Variants in RELN observed in about 807,000 individuals in gnomAD.
RELN encodes the protein reelin.
Under a neutral mutation model 427.6 loss-of-function variants are expected in RELN, and 108 were observed. The observed-to-expected ratio is 0.25, with a 90% CI of 0.22 to 0.30. The LOEUF (loss-of-function observed/expected upper bound fraction) is 0.30, where lower values mean the gene tolerates loss of function less well. RELN is among the 10% of genes least tolerant of loss of function. The probability of loss-of-function intolerance (pLI) is 1.00; values close to 1 mark genes in which losing one functional copy is unlikely to be tolerated. For missense variants in RELN, 3,715 were observed against 4,302.8 expected, an observed-to-expected ratio of 0.86 and a Z score of 3.82; for synonymous variants, 1,524 against 1,513.4, an observed-to-expected ratio of 1.01 and a Z score of -0.16.
rs1171550524 is a variant in RELN, at chr7:103,953,380, C to G, written c.226+35751G>C. On this transcript the variant is annotated intron_variant, in intron 1 of 64. Coordinates refer to ENST00000428762, the MANE Select transcript of RELN (RefSeq NM_005045.4). The surrounding 1 kb of genome is among the most constrained non-coding windows in gnomAD (Gnocchi z 4.3). ...TCTGCCACAGACCATCAAGAAGACT[C>G]AAGACAACTCAGATAACGTGATTCA... Among the ~76,000 whole-genome samples, 1 of 152,156 alleles carries G rather than the reference C, an allele frequency of 6.6e-6. No individual in the cohort carries two copies. Among genetic ancestry groups the G allele is most frequent in the Admixed American group, 6.5e-5 (1 of 15,268 alleles).
intron 2 of RELN, among the ~76,000 whole-genome samples, chr7:103,868,928 C>T (rs2299391): frequency 0.13 from 20,214 of 151,866 alleles, 1,808 homozygotes; most frequent in East Asian, 0.34. Context: ...AATCTATTTG[C>T]TTTTTTTCTA....
chr7:103,691,217 A>C (rs1278117284), intron 10 of RELN, among the ~76,000 whole-genome samples: 1 of 152,146 alleles, frequency 6.6e-6, no homozygotes, highest in African/African-American at 2.4e-5. Context: ...CCTGAAGCTA[A>C]TTACTCTATT....
intron 2 of RELN, among the ~76,000 whole-genome samples, chr7:103,856,629 T>C (rs2116479306): frequency 6.8e-6 from 1 of 147,934 alleles, no homozygotes; most frequent in African/African-American, 2.5e-5. Flanking sequence ...GACAAAAATA[T>C]CTAGAAAAAA....
At chr7:103,727,289 A>G (rs546313952) in intron 7 of RELN, among the ~76,000 whole-genome samples, 1 of 152,302 alleles carries the variant, frequency 6.6e-6, no homozygotes, top group African/African-American at 2.4e-5. Context: ...AAGAACAAGC[A>G]TTAAAGCCCA....
At chr7:103,736,171 G>GAGAC (rs1365597852) in intron 6 of RELN, among the ~76,000 whole-genome samples, 2 of 152,054 alleles carry the variant, frequency 1.3e-5, no homozygotes, top group African/African-American at 4.8e-5. Flanking sequence ...GACTTATTCC[G>GAGAC]AGACACTAGA....
chr7:103,713,766 T>C (rs1263111679), intron 8 of RELN, among the ~76,000 whole-genome samples: 2 of 151,730 alleles, frequency 1.3e-5, no homozygotes, highest in Non-Finnish European at 2.9e-5. Flanking sequence ...CACAGTAAAA[T>C]CTTCTTTGCT....
chr7:103,717,750 C>T (rs1789975008), intron 8 of RELN, among the ~76,000 whole-genome samples: 3 of 151,868 alleles, frequency 2.0e-5, no homozygotes, highest in Admixed American at 2.0e-4. Flanking sequence ...ATAAGTTCCC[C>T]AAGGTCTTAC....
At chr7:103,936,739 G>C (rs62487051) in intron 1 of RELN, among the ~76,000 whole-genome samples, 1 of 92,080 alleles carries the variant, frequency 1.1e-5, no homozygotes, top group African/African-American at 4.5e-5. Context: ...CAGACAGACA[G>C]ACAGACACAC....
At chr7:103,847,299 A>G (rs1404954417) in intron 2 of RELN, among the ~76,000 whole-genome samples, 1 of 152,194 alleles carries the variant, frequency 6.6e-6, no homozygotes, top group Non-Finnish European at 1.5e-5. Flanking sequence ...CATCATTCTC[A>G]GCAAACTAAC....
chr7:103,725,358 G>A (rs1209249544), intron 7 of RELN, among the ~76,000 whole-genome samples: 2 of 152,146 alleles, frequency 1.3e-5, no homozygotes, highest in African/African-American at 2.4e-5. Context: ...TTCAAGACCA[G>A]CCTAGGCAAC....
At chr7:103,774,376 T>A (rs895293692) in intron 4 of RELN, among the ~76,000 whole-genome samples, 4 of 151,950 alleles carry the variant, frequency 2.6e-5, no homozygotes, top group Non-Finnish European at 5.9e-5. Context: ...TAAGACATAA[T>A]GAGTACATTT....
At chr7:103,902,281 C>A (rs938359571) in intron 2 of RELN, among the ~76,000 whole-genome samples, 1 of 151,940 alleles carries the variant, frequency 6.6e-6, no homozygotes, top group African/African-American at 2.4e-5. Flanking sequence ...TATTGAAATG[C>A]TATCAAATCA....
At chr7:103,707,322 A>G (rs1834225999) in intron 8 of RELN, among the ~76,000 whole-genome samples, 1 of 152,132 alleles carries the variant, frequency 6.6e-6, no homozygotes, top group Non-Finnish European at 1.5e-5. Flanking sequence ...AAGGCACTAT[A>G]AAGAGAGCTA....
At chr7:103,742,025 C>T (rs555439214) in intron 6 of RELN, among the ~76,000 whole-genome samples, 7 of 152,184 alleles carry the variant, frequency 4.6e-5, no homozygotes, top group South Asian at 2.1e-4. Flanking sequence ...CCAGTAGGGG[C>T]GGACTGACAC....
chr7:103,557,378 C>T (rs1426287451), intron 37 of RELN, among the ~76,000 whole-genome samples: 1 of 152,152 alleles, frequency 6.6e-6, no homozygotes, highest in African/African-American at 2.4e-5. Flanking sequence ...CACAATAATA[C>T]CTCCCTTTCT....
In RELN at chr7:103,824,563, T is replaced by C. The variant is rs1479667789; in HGVS notation, c.473+8974A>G. 6.6e-6 allele frequency among the ~76,000 whole-genome samples: 1 copy of C among 151,778 alleles called. No individual in the cohort carries two copies. The highest frequency in any genetic ancestry group is 6.6e-5 in the Admixed American group (1 of 15,198). On this transcript the variant is annotated intron_variant, in intron 3 of 64. Coordinates refer to ENST00000428762, the MANE Select transcript of RELN (RefSeq NM_005045.4). This position sits in a 1 kb window ranked among gnomAD's most constrained non-coding sequence, Gnocchi z 4.4. Reference sequence around the variant, plus strand: ...CACCACAATGTCAGTTCCTATTTCTTGACCCAGCTTTGATATGTCTCCTTT... The same window carrying C: ...CACCACAATGTCAGTTCCTATTTCTCGACCCAGCTTTGATATGTCTCCTTT...
chr7:103,911,590 A>C (rs981803946), intron 2 of RELN, among the ~76,000 whole-genome samples: 3 of 151,102 alleles, frequency 2.0e-5, no homozygotes, highest in Non-Finnish European at 2.9e-5. Flanking sequence ...AATAGCAAAG[A>C]CTTGGAACCA....
chr7:103,941,449 T>G (rs552165542), intron 1 of RELN, among the ~76,000 whole-genome samples: 5 of 152,174 alleles, frequency 3.3e-5, no homozygotes, highest in African/African-American at 1.2e-4. Flanking sequence ...AAAACCCCCA[T>G]CTAGAGCTAA....
In RELN at chr7:103,723,630, T is replaced by G. The variant is rs567359910; in HGVS notation, c.754-439A>C. Among the ~76,000 whole-genome samples the G allele has an allele frequency of 7.9e-5, 12 of 152,238 alleles. No homozygotes were observed. In the East Asian group the frequency reaches 2.1e-3, roughly 27 times the overall value. On this transcript the variant is annotated intron_variant, in intron 7 of 64. Coordinates refer to ENST00000428762, the MANE Select transcript of RELN (RefSeq NM_005045.4). ...ATAAACTAAGAACAAATGAGTAGAA[T>G]AAAATTATTTTGAAAAGGAAATAGA... is the stretch of plus-strand genomic sequence containing the variant.
Sources: allele counts gnomAD v4.1 joint callset (sites outside exome capture counted in the v4.1 genomes callset), GRCh38; gene constraint gnomAD v4.1.1; non-coding constraint Gnocchi (gnomAD v3.1); transcripts MANE v1.5; gene names NCBI Gene and HGNC (gene_info 2026-07-23, HGNC 2026-07-21).